RARS2: variants seen among roughly 807,000 people sequenced by gnomAD.
RARS2 encodes probable arginine--tRNA ligase, mitochondrial.
Under a neutral mutation model 88.5 loss-of-function variants are expected in RARS2, and 67 were observed. The observed-to-expected ratio is 0.76, with a 90% CI of 0.62 to 0.93. RARS2 has a LOEUF of 0.93. Ranked by LOEUF, RARS2 falls within the 40% of genes least tolerant of loss-of-function variation. The pLI, the probability that RARS2 is intolerant of heterozygous loss-of-function variation, is 0.00. For missense variants in RARS2, 664 were observed against 684.2 expected, an observed-to-expected ratio of 0.97 and a Z score of 0.33; for synonymous variants, 239 against 230.3, an observed-to-expected ratio of 1.04 and a Z score of -0.34.
chr6:87,532,943 T>C (rs1052499951), intron 8 of RARS2, among the ~76,000 whole-genome samples: 1 of 152,182 alleles, frequency 6.6e-6, no homozygotes, highest in African/African-American at 2.4e-5. Flanking sequence ...GACACAGCCA[T>C]TGACAACTGC....
chr6:87,557,713 A>G (rs187199948), intron 4 of RARS2, among the ~76,000 whole-genome samples: 3 of 152,220 alleles, frequency 2.0e-5, no homozygotes, highest in Admixed American at 6.5e-5. Context: ...TCTTGCAACT[A>G]TCCTCTTTCC....
chr6:87,559,952 G>A (rs184926300), intron 4 of RARS2, among the ~76,000 whole-genome samples: 3 of 152,226 alleles, frequency 2.0e-5, no homozygotes, highest in African/African-American at 4.8e-5. Flanking sequence ...TGTCACAATT[G>A]CACAAATACA....
chr6:87,514,886 T>G, intron 19 of RARS2, 71 bp downstream of exon 19: 1 of 1,319,336 alleles, frequency 7.6e-7, no homozygotes, highest in Non-Finnish European at 1.1e-6. Context: ...TTAGAAAAAT[T>G]TACAAGACTG....
intron 1 of RARS2, among the ~76,000 whole-genome samples, chr6:87,572,392 C>T (rs1770045128): frequency 6.6e-6 from 1 of 151,960 alleles, no homozygotes; most frequent in Non-Finnish European, 1.5e-5. Context: ...TATAACAATT[C>T]GGCTGAAAAA....
chr6:87,518,307 G>C (rs1451620892), intron 16 of RARS2, 43 bp from the exon 17 acceptor site: 7 of 1,613,344 alleles, frequency 4.3e-6, no homozygotes, highest in Non-Finnish European at 5.9e-6. Context: ...AGATTAAAAA[G>C]TCATACAAGG....
intron 1 of RARS2, among the ~76,000 whole-genome samples, chr6:87,577,096 C>T (rs921206842): frequency 2.6e-5 from 4 of 152,140 alleles, no homozygotes; most frequent in East Asian, 1.9e-4. Context: ...GATTGCCCTA[C>T]GCATTTGCAT....
chr6:87,547,534 G>A (rs1457309233), intron 6 of RARS2, among the ~76,000 whole-genome samples: 1 of 152,114 alleles, frequency 6.6e-6, no homozygotes. Context: ...TTTTTAAATT[G>A]ACCTGCTGTA....
At chr6:87,554,330 T>A (rs1488487993) in intron 5 of RARS2, among the ~76,000 whole-genome samples, 1 of 152,212 alleles carries the variant, frequency 6.6e-6, no homozygotes, top group Non-Finnish European at 1.5e-5. Context: ...ACAGTTATAC[T>A]GACAGCACGT....
At chr6:87,540,282 T>C (rs973764693) in intron 8 of RARS2, among the ~76,000 whole-genome samples, 1 of 151,040 alleles carries the variant, frequency 6.6e-6, no homozygotes, top group Non-Finnish European at 1.5e-5. Context: ...ACCCTGTCTC[T>C]ACTAAAAAAT....
At chr6:87,566,602 T>C (rs956517815) in intron 2 of RARS2, among the ~76,000 whole-genome samples, 1 of 151,762 alleles carries the variant, frequency 6.6e-6, no homozygotes, top group Non-Finnish European at 1.5e-5. Context: ...AATTCTAGTG[T>C]GGGAGGCTGA....
intron 4 of RARS2, among the ~76,000 whole-genome samples, chr6:87,561,808 G>A (rs1247667512): frequency 6.6e-6 from 1 of 152,186 alleles, no homozygotes; most frequent in South Asian, 2.1e-4. Flanking sequence ...ATTCCCATGT[G>A]AGAAAGAGTA....
rs1236137657 is a variant in RARS2 at position 87,530,827 on chromosome 6, T to C, written c.728A>G (p.Lys243Arg). The part of the protein sequence containing the change: ...GDVQALSLWQ[K>R]FRDLSIEEYI... Reference sequence around the variant, plus strand: ...CTCTTCAATGCTCAAGTCCCGAAATTTTTGCCACAGTGAAAGTGCTTGCAC... The same window carrying C: ...CTCTTCAATGCTCAAGTCCCGAAATCTTTGCCACAGTGAAAGTGCTTGCAC... The change falls in exon 9 of 20, where the codon AAA becomes AGA. Residue 243 changes from lysine (K) to arginine (R), a missense_variant. Physicochemically the swap from Lys to Arg is conservative, Grantham distance 26. Coordinates refer to ENST00000369536, the MANE Select transcript of RARS2 (RefSeq NM_020320.5). 1.9e-6 allele frequency: 3 copies of C among 1,614,038 alleles called. No individual in the cohort carries two copies. Among genetic ancestry groups the C allele is most frequent in the East Asian group, 2.2e-5 (1 of 44,888 alleles).
chr6:87,554,557 A>AG (rs563806796), intron 5 of RARS2, among the ~76,000 whole-genome samples: 132 of 152,306 alleles, frequency 8.7e-4, no homozygotes, highest in African/African-American at 3.1e-3. Flanking sequence ...CCTAGGCTCA[A>AG]GCCATCTTTC....
At chr6:87,543,184 A>T (rs993858511) in intron 7 of RARS2, among the ~76,000 whole-genome samples, 21 of 151,254 alleles carry the variant, frequency 1.4e-4, no homozygotes, top group Admixed American at 8.5e-4. Context: ...ATGCCTGTAA[A>T]CCCAGCTACC....
rs1768977165 is a variant in RARS2 at position 87,569,582 on chromosome 6, TC to T, written c.44del (p.Arg15LysfsTer3). 1 of 1,605,680 alleles carries T rather than the reference TC, an allele frequency of 6.2e-7. No individual in the cohort carries two copies. The highest frequency in any genetic ancestry group is 1.3e-5 in the African/African-American group (1 of 74,684). On this transcript the variant is annotated frameshift_variant, in exon 2 of 20. Coordinates refer to ENST00000369536, the MANE Select transcript of RARS2 (RefSeq NM_020320.5). LOFTEE classifies it high-confidence loss of function. ...FRRAIACQLSRVLNLPPENLI... is the reference protein window; with the variant it reads ...FRRAIACQLSXVLNLPPENLI... Reference sequence around the variant, plus strand: ...AGTTTTCTGGTGGAAGATTCAACACTCTGGAAAGCTAAAAATCAAAAAGAAC... The same window carrying T: ...AGTTTTCTGGTGGAAGATTCAACACTTGGAAAGCTAAAAATCAAAAAGAAC...
chr6:87,554,482 G>C (rs923299483), intron 5 of RARS2, among the ~76,000 whole-genome samples: 7 of 151,996 alleles, frequency 4.6e-5, no homozygotes, highest in African/African-American at 1.4e-4. Flanking sequence ...TTTTGACACA[G>C]GGTCTTGGTG....
At position 87,518,882 on chromosome 6, in the gene RARS2, T is replaced by G. The variant is rs946822680; in HGVS notation, c.1247A>C (p.Glu416Ala). Residue 416 changes from glutamate (E) to alanine (A), a missense_variant, in exon 15 of 20, where the codon GAA (glutamate) becomes GCA (alanine). Transcript: ENST00000369536. ...QNMASIKTTK[E>A]LKNPQETAER... ...TGCAGTCTCTTGTGGGTTCTTGAGTTCTTTAGTTGCTGAAACAGACAAAGG... is the reference window on the plus strand; with the variant it reads ...TGCAGTCTCTTGTGGGTTCTTGAGTGCTTTAGTTGCTGAAACAGACAAAGG... 2.5e-6 allele frequency: 4 copies of G among 1,614,036 alleles called. No homozygotes were observed. Among genetic ancestry groups the G allele is most frequent in the Non-Finnish European group, 3.4e-6 (4 of 1,179,984 alleles).
intron 5 of RARS2, 136 bp from the exon 6 acceptor site, chr6:87,548,782 A>C: frequency 1.3e-6 from 1 of 763,400 alleles, no homozygotes. Context: ...TTAAAAGTTA[A>C]AAATTTAGAG....
intron 8 of RARS2, 32 bp from the exon 9 acceptor site, chr6:87,530,974 CA>C (rs1562102666): frequency 1.2e-6 from 2 of 1,612,328 alleles, no homozygotes; most frequent in East Asian, 4.5e-5. Flanking sequence ...AAATGAAGTA[CA>C]TAACAGGTCA....
Sources: allele counts gnomAD v4.1 joint callset (sites outside exome capture counted in the v4.1 genomes callset), GRCh38; gene constraint gnomAD v4.1.1; transcripts MANE v1.5; gene names NCBI Gene and HGNC (gene_info 2026-07-23, HGNC 2026-07-21).